The following ZFHX3 variants were observed in gnomAD, a reference collection of about 807,000 sequenced individuals.
ZFHX3 encodes the protein zinc finger homeobox protein 3.
Under a neutral mutation model 279.1 loss-of-function variants are expected in ZFHX3, and 42 were observed. The ratio of observed to expected loss-of-function variants is 0.15; its 90% CI spans 0.12 to 0.19. ZFHX3 has a LOEUF of 0.19. Among genes scored for constraint, ZFHX3 ranks in the 10% least tolerant of loss-of-function variants. The pLI is 1.00. For synonymous variants in ZFHX3, 2,293 were observed against 1,957.8 expected (o/e 1.17, Z -4.52); for missense variants, 4,981 against 4,754.0 (o/e 1.05, Z -1.40).
chr16:73,820,043 T>C (rs1224834023), intron 1 of ZFHX3, among the ~76,000 whole-genome samples: 1 of 152,226 alleles, frequency 6.6e-6, no homozygotes, highest in African/African-American at 2.4e-5. Flanking sequence ...TGGGTGGCCA[T>C]GTCTGACAAA....
intron 3 of ZFHX3, among the ~76,000 whole-genome samples, chr16:72,935,092 G>A (rs1403723848): frequency 6.6e-6 from 1 of 152,194 alleles, no homozygotes; most frequent in South Asian, 2.1e-4. Context: ...TATGTGCTGG[G>A]TCACTCATGT....
intron 2 of ZFHX3, among the ~76,000 whole-genome samples, chr16:72,956,586 T>C (rs746717465): frequency 3.3e-5 from 5 of 152,200 alleles, no homozygotes; most frequent in East Asian, 3.8e-4. Flanking sequence ...TGTAAGCCAA[T>C]TGGTAAGACT....
At chr16:73,698,030 C>T (rs2053213445) in intron 1 of ZFHX3, among the ~76,000 whole-genome samples, 1 of 151,650 alleles carries the variant, frequency 6.6e-6, no homozygotes, top group African/African-American at 2.4e-5. Flanking sequence ...TAAGAGACAA[C>T]TCAAAAAGAG....
intron 2 of ZFHX3, among the ~76,000 whole-genome samples, chr16:73,654,366 T>C (rs2052701859): frequency 6.6e-6 from 1 of 152,112 alleles, no homozygotes; most frequent in Non-Finnish European, 1.5e-5. Flanking sequence ...TTCAGATAGC[T>C]TCACCAGTGA....
chr16:72,885,632 G>A (rs1232874684), intron 4 of ZFHX3, among the ~76,000 whole-genome samples: 1 of 152,196 alleles, frequency 6.6e-6, no homozygotes, highest in East Asian at 1.9e-4. Flanking sequence ...GCCTTAGGAG[G>A]AGACATCTAG....
chr16:73,191,500 T>C (rs964447166), intron 5 of ZFHX3, among the ~76,000 whole-genome samples: 18 of 152,138 alleles, frequency 1.2e-4, no homozygotes, highest in African/African-American at 3.9e-4. Context: ...ATCAAGTCAT[T>C]TGGAGAAAGC....
At chr16:73,316,100 G>C (rs1030650934) in intron 4 of ZFHX3, among the ~76,000 whole-genome samples, 1 of 152,158 alleles carries the variant, frequency 6.6e-6, no homozygotes, top group Non-Finnish European at 1.5e-5. Context: ...TCACAAAGAA[G>C]GTGATACCAC....
At chr16:73,680,841 G>A (rs1156602438) in intron 1 of ZFHX3, among the ~76,000 whole-genome samples, 1 of 152,210 alleles carries the variant, frequency 6.6e-6, no homozygotes, top group Non-Finnish European at 1.5e-5. Context: ...ATCTGTGCGT[G>A]TGAGTGGGGT....
intron 3 of ZFHX3, among the ~76,000 whole-genome samples, chr16:73,382,886 C>A (rs904674894): frequency 6.6e-6 from 1 of 152,202 alleles, no homozygotes; most frequent in Non-Finnish European, 1.5e-5. Flanking sequence ...TACTTATCCA[C>A]ACCTCAGTGC....
upstream of ZFHX3, chr16:73,048,160 GC>G (rs1567650176): frequency 2.6e-5 from 4 of 152,660 alleles, no homozygotes; most frequent in Non-Finnish European, 2.9e-5. Context: ...AGCGCGCACC[GC>G]CCGGGGAAGG....
chr16:73,623,082 G>A (rs1157363934), intron 2 of ZFHX3, among the ~76,000 whole-genome samples: 1 of 151,546 alleles, frequency 6.6e-6, no homozygotes, highest in Admixed American at 6.6e-5. Flanking sequence ...TTTCGCCCAG[G>A]CCGAACTGCA....
In ZFHX3 at chr16:72,916,481, G is replaced by C. The variant is rs1222401270; in HGVS notation, c.3217-26519C>G. 2.0e-5 allele frequency among the ~76,000 whole-genome samples: 3 copies of C among 152,240 alleles called. No individual in the cohort carries two copies. The East Asian group carries it at 5.8e-4, about 29-fold the overall frequency. Reference sequence around the variant, plus strand: ...CAGCGTTTCTAATAAGATGTGAACAGAGACAGAAGTCATGCCTATCACCCA... The same window carrying C: ...CAGCGTTTCTAATAAGATGTGAACACAGACAGAAGTCATGCCTATCACCCA... On this transcript the variant is annotated intron_variant, in intron 3 of 9. Transcript: ENST00000268489.
At chr16:73,631,840 G>A (rs1464580003) in intron 2 of ZFHX3, among the ~76,000 whole-genome samples, 1 of 151,830 alleles carries the variant, frequency 6.6e-6, no homozygotes, top group Non-Finnish European at 1.5e-5. Context: ...CTGGGAGGTG[G>A]AGGTTGCAGT....
chr16:73,492,989 T>C (rs1394840202), intron 2 of ZFHX3, among the ~76,000 whole-genome samples: 2 of 152,218 alleles, frequency 1.3e-5, no homozygotes, highest in African/African-American at 4.8e-5. Flanking sequence ...ATATACATTT[T>C]ATTATATATA....
chr16:73,212,295 TA>T (rs946580988), intron 5 of ZFHX3, among the ~76,000 whole-genome samples: 29 of 152,156 alleles, frequency 1.9e-4, no homozygotes, highest in Non-Finnish European at 2.9e-5. Context: ...AAAAAGAGAT[TA>T]AAAACTCTAC....
At chr16:73,846,161 C>T (rs8051787) in intron 1 of ZFHX3, among the ~76,000 whole-genome samples, 1,775 of 152,198 alleles carry the variant, frequency 0.012, 44 homozygotes, top group African/African-American at 0.041. Context: ...GGTGGTTACA[C>T]AGCTGTATAT....
chr16:73,682,150 T>A (rs2053016915), intron 1 of ZFHX3, among the ~76,000 whole-genome samples: 1 of 152,180 alleles, frequency 6.6e-6, no homozygotes, highest in Non-Finnish European at 1.5e-5. Flanking sequence ...TTGAAAATCA[T>A]TTGCCATTGC....
At chr16:73,647,475 C>T (rs914935588) in intron 2 of ZFHX3, among the ~76,000 whole-genome samples, 5 of 152,094 alleles carry the variant, frequency 3.3e-5, no homozygotes, top group African/African-American at 9.7e-5. Context: ...CCGCTTCACT[C>T]CCTCTCTCCT....
chr16:73,486,841 A>G (rs778649751), intron 2 of ZFHX3: 2 of 456,050 alleles, frequency 4.4e-6, no homozygotes, highest in South Asian at 3.1e-5. Flanking sequence ...TTAGGGTCTC[A>G]GGCTTTACCC....
Sources: allele counts gnomAD v4.1 joint callset (sites outside exome capture counted in the v4.1 genomes callset), GRCh38; gene constraint gnomAD v4.1.1; transcripts MANE v1.5; gene names NCBI Gene and HGNC (gene_info 2026-07-23, HGNC 2026-07-21).